The following PTPRB variants were observed in gnomAD, a reference collection of about 807,000 sequenced individuals.
PTPRB encodes the protein receptor-type tyrosine-protein phosphatase beta.
PTPRB carries 97 observed loss-of-function variants against 238.1 expected under a neutral mutation model. That is an observed-to-expected ratio of 0.41 (90% confidence interval 0.35 to 0.48). The LOEUF (loss-of-function observed/expected upper bound fraction) is 0.48, where lower values mean the gene tolerates loss of function less well. Among genes scored for constraint, PTPRB ranks in the 20% least tolerant of loss-of-function variants. The probability of loss-of-function intolerance (pLI) is 0.30; values close to 1 mark genes in which losing one functional copy is unlikely to be tolerated. For missense variants in PTPRB, 2,292 were observed against 2,681.9 expected, an observed-to-expected ratio of 0.85 and a Z score of 3.21; for synonymous variants, 970 against 995.4, an observed-to-expected ratio of 0.97 and a Z score of 0.48.
At chr12:70,529,275 A>C (rs2136214257) in intron 32 of PTPRB, among the ~76,000 whole-genome samples, 1 of 152,302 alleles carries the variant, frequency 6.6e-6, no homozygotes, top group South Asian at 2.1e-4. Flanking sequence ...AGCCAGTGAT[A>C]TTGACAGTAG....
Position 70,555,851 on chromosome 12 carries a change from C to T in PTPRB, c.4993+19G>A. The T allele has an allele frequency of 1.2e-6, 2 of 1,609,648 alleles. No homozygotes were observed. Among genetic ancestry groups the T allele is most frequent in the Non-Finnish European group, 1.7e-6 (2 of 1,178,220 alleles). On this transcript the variant is annotated intron_variant, in intron 19 of 33. Coordinates refer to ENST00000334414, the MANE Select transcript of PTPRB (RefSeq NM_001109754.4). ...CTCCAGTGACAGGAGGCTCTGTGCG[C>T]ACCTCCAGGGACACTTACGGTCTAT...
chr12:70,558,241 C>T (rs1366539296), intron 18 of PTPRB, among the ~76,000 whole-genome samples: 1 of 152,138 alleles, frequency 6.6e-6, no homozygotes. Flanking sequence ...CAGTCAGCCA[C>T]GGAAAACTCA....
chr12:70,626,498 T>C (rs764737695), intron 2 of PTPRB, among the ~76,000 whole-genome samples: 14 of 151,638 alleles, frequency 9.2e-5, no homozygotes, highest in Non-Finnish European at 1.8e-4. Flanking sequence ...TCAAACATAT[T>C]AGGAAAAAAA....
At chr12:70,573,505 C>CTTTTTTTTTTTTTTTTTTTTT (rs937307862) in intron 11 of PTPRB, among the ~76,000 whole-genome samples, 1 of 90,824 alleles carries the variant, frequency 1.1e-5, no homozygotes, top group African/African-American at 4.1e-5. Flanking sequence ...CTTTTCTTTT[C>CTTTTTTTTTTTTTTTTTTTTT]TTTTTTTTTT....
chr12:70,586,359 G>C (rs1881914932), intron 9 of PTPRB, among the ~76,000 whole-genome samples: 1 of 152,134 alleles, frequency 6.6e-6, no homozygotes. Flanking sequence ...CTTCCACCAT[G>C]ATTATAAGTT....
In PTPRB at chr12:70,535,032, A is replaced by G; in HGVS notation, c.6082-77T>C. 4.0e-6 allele frequency: 6 copies of G among 1,493,288 alleles called. No individual in the cohort carries two copies. In the South Asian group the frequency reaches 5.2e-5, roughly 13 times the overall value. The allele number at this position is 1,493,288 out of a possible 1,614,324, so 92.5% of individuals were successfully genotyped here. A position where few individuals can be genotyped will look rare whatever the true frequency, so the allele number is the denominator to read the frequency against. ...TGAACCTGGGGTTTCCCTCCTCTAA[A>G]TGTCTTCCAAAGTTAGGAATCTGGG... On this transcript the variant is annotated intron_variant, in intron 29 of 33. Transcript: ENST00000334414.
intron 29 of PTPRB, 92 bp from the exon 30 acceptor site, chr12:70,535,047 A>G: frequency 7.0e-7 from 1 of 1,427,492 alleles, no homozygotes; most frequent in Non-Finnish European, 9.5e-7. Flanking sequence ...TTCCAAAGTT[A>G]GGAATCTGGG....
intron 28 of PTPRB, among the ~76,000 whole-genome samples, chr12:70,537,386 C>T (rs1359734539): frequency 2.6e-5 from 4 of 151,782 alleles, no homozygotes; most frequent in Non-Finnish European, 5.9e-5. Context: ...CCTCAGATGG[C>T]GCAGACATCT....
At chr12:70,531,277 T>G (rs757626825) in intron 32 of PTPRB, among the ~76,000 whole-genome samples, 1 of 151,840 alleles carries the variant, frequency 6.6e-6, no homozygotes. Flanking sequence ...CACAGAAGCA[T>G]GTAGAACTTT....
chr12:70,622,772 A>G, intron 2 of PTPRB, 126 bp from the exon 3 acceptor site: 3 of 1,146,304 alleles, frequency 2.6e-6, no homozygotes, highest in Non-Finnish European at 2.4e-6. Flanking sequence ...CTTCAGTTAT[A>G]TGAAAAAGCA....
At chr12:70,551,485 A>G (rs1194026804) in intron 21 of PTPRB, among the ~76,000 whole-genome samples, 1 of 152,038 alleles carries the variant, frequency 6.6e-6, no homozygotes, top group Non-Finnish European at 1.5e-5. Context: ...GATGTGAGGG[A>G]GGGGCTAAGA....
intron 15 of PTPRB, among the ~76,000 whole-genome samples, chr12:70,565,600 G>A (rs143341889): frequency 1.3e-5 from 2 of 152,288 alleles, no homozygotes; most frequent in Non-Finnish European, 2.9e-5. Context: ...ATTTGTCCAT[G>A]TGTCTGTCTC....
intron 32 of PTPRB, among the ~76,000 whole-genome samples, chr12:70,525,840 T>C (rs1872352007): frequency 6.6e-6 from 1 of 152,230 alleles, no homozygotes; most frequent in Admixed American, 6.5e-5. Flanking sequence ...GCCATCAGGC[T>C]TCTGGGGATC....
rs529084043 is a variant in PTPRB, at chr12:70,565,076, C to T, written c.3904+1359G>A. Among the ~76,000 whole-genome samples the T allele has an allele frequency of 2.8e-3, 423 of 152,064 alleles. 2 individuals carry two copies. Among genetic ancestry groups the T allele is most frequent in the African/African-American group, 9.5e-3 (395 of 41,500 alleles). ...AGTTTTTTTATTCACTTCTGTATAT[C>T]CAGCAGTTAGAACAGTGCCTAGCCT... On this transcript the variant is annotated intron_variant, in intron 15 of 33. Coordinates refer to ENST00000334414, the MANE Select transcript of PTPRB (RefSeq NM_001109754.4).
rs770552679 is a variant in PTPRB at position 70,626,033 on chromosome 12, CAG to C, written c.452-3389_452-3388del. ...TTCATCTATGGCTCAGAAATAATAA[CAG>C]AAATAAAAATTTTTATAAAGATAAT... On this transcript the variant is annotated intron_variant, in intron 2 of 33. Coordinates refer to ENST00000334414, the MANE Select transcript of PTPRB (RefSeq NM_001109754.4). 5.7e-4 allele frequency among the ~76,000 whole-genome samples: 86 copies of C among 152,110 alleles called. 1 individual carries two copies. The Middle Eastern group carries it at 0.01, about 18-fold the overall frequency.
At chr12:70,625,914 A>C (rs537591634) in intron 2 of PTPRB, among the ~76,000 whole-genome samples, 7 of 152,186 alleles carry the variant, frequency 4.6e-5, no homozygotes, top group Non-Finnish European at 1.0e-4. Flanking sequence ...ATAGGGTACT[A>C]TCACCTTACA....
intron 33 of PTPRB, among the ~76,000 whole-genome samples, chr12:70,521,717 C>T (rs948569280): frequency 9.2e-5 from 14 of 152,282 alleles, no homozygotes; most frequent in Middle Eastern, 3.4e-3. Flanking sequence ...TCTAGCCCAT[C>T]GCCTCTGTTT....
chr12:70,529,421 T>A (rs1872848365), intron 32 of PTPRB, among the ~76,000 whole-genome samples: 1 of 152,116 alleles, frequency 6.6e-6, no homozygotes, highest in African/African-American at 2.4e-5. Context: ...TACGATAACC[T>A]CCTCTTTCCC....
intron 6 of PTPRB, among the ~76,000 whole-genome samples, chr12:70,593,342 A>G (rs1324112800): frequency 2.0e-5 from 3 of 151,930 alleles, no homozygotes; most frequent in Admixed American, 1.3e-4. Flanking sequence ...GTGAAACCCC[A>G]TCTCTACGAA....
Sources: allele counts gnomAD v4.1 joint callset (sites outside exome capture counted in the v4.1 genomes callset), GRCh38; gene constraint gnomAD v4.1.1; transcripts MANE v1.5; gene names NCBI Gene and HGNC (gene_info 2026-07-23, HGNC 2026-07-21).